The following CLIP1 variants were observed in gnomAD, a reference collection of about 807,000 sequenced individuals.
The protein encoded by CLIP1 is CAP-Gly domain-containing linker protein 1.
A neutral mutation model predicts 161.6 loss-of-function variants in CLIP1; 66 were observed. The observed-to-expected ratio is 0.41, with a 90% CI of 0.33 to 0.50. The LOEUF is 0.50. Among genes scored for constraint, CLIP1 ranks in the 20% least tolerant of loss-of-function variants. The pLI, the probability that CLIP1 is intolerant of heterozygous loss-of-function variation, is 0.27. For missense variants in CLIP1, 1,376 were observed against 1,702.0 expected, an observed-to-expected ratio of 0.81 and a Z score of 3.37; for synonymous variants, 598 against 626.2, an observed-to-expected ratio of 0.96 and a Z score of 0.67.
chr12:122,391,059 A>G (rs7969429), intron 1 of CLIP1, among the ~76,000 whole-genome samples: 119,711 of 152,026 alleles, frequency 0.79, 47,426 homozygotes, highest in East Asian at 0.85. Context: ...AGGCCGGGAC[A>G]GGCAGATCAC....
At chr12:122,409,310 G>A (rs1220130421) in intron 1 of CLIP1, among the ~76,000 whole-genome samples, 1 of 150,552 alleles carries the variant, frequency 6.6e-6, no homozygotes, top group East Asian at 2.0e-4. Context: ...ATTTTTAGTA[G>A]AGACAGGGTT....
intron 17 of CLIP1, among the ~76,000 whole-genome samples, chr12:122,321,363 A>G (rs1951495413): frequency 6.6e-6 from 1 of 151,606 alleles, no homozygotes; most frequent in East Asian, 1.9e-4. Context: ...CTACTGCCTC[A>G]GCCTCCTGAG....
intron 1 of CLIP1, among the ~76,000 whole-genome samples, chr12:122,391,582 G>A (rs899439448): frequency 1.3e-5 from 2 of 152,108 alleles, no homozygotes; most frequent in East Asian, 1.9e-4. Flanking sequence ...GCGAGACTTC[G>A]TCTCAAAAAG....
At chr12:122,338,848 T>C (rs542755507) in intron 11 of CLIP1, among the ~76,000 whole-genome samples, 1 of 152,364 alleles carries the variant, frequency 6.6e-6, no homozygotes, top group South Asian at 2.1e-4. Flanking sequence ...TTTTGTGTTT[T>C]GATTAGTATT....
At chr12:122,411,627 A>G (rs2137169321) in intron 1 of CLIP1, among the ~76,000 whole-genome samples, 1 of 152,338 alleles carries the variant, frequency 6.6e-6, no homozygotes, top group East Asian at 1.9e-4. Flanking sequence ...ACACTATGTT[A>G]AGCGAAGGAA....
In CLIP1 at chr12:122,330,597, G is replaced by GTTTTTTTTTTTTTGTTTTTTTTTTT. The variant is rs1555265518; in HGVS notation, c.2868-2172_2868-2171insAAAAAAAAAAACAAAAAAAAAAAAA. Among the ~76,000 whole-genome samples the GTTTTTTTTTTTTTGTTTTTTTTTTT allele has an allele frequency of 2.8e-4, 28 of 101,380 alleles. 1 individual carries two copies. Among genetic ancestry groups the GTTTTTTTTTTTTTGTTTTTTTTTTT allele is most frequent in the African/African-American group, 1.1e-3 (25 of 22,778 alleles). The allele number at this position is 101,380 out of a possible 152,430, so 66.5% of individuals were successfully genotyped here. ...TTCAGCACTGAAGAAGTATAATGCA[G>GTTTTTTTTTTTTTGTTTTTTTTTTT]TTTTTTTTTTTTTTTTTTTTGAGAT... On this transcript the variant is annotated intron_variant, in intron 15 of 25. Coordinates refer to ENST00000620786, the MANE Select transcript of CLIP1 (RefSeq NM_001247997.2).
intron 19 of CLIP1, among the ~76,000 whole-genome samples, chr12:122,310,700 T>A (rs2136516985): frequency 6.6e-6 from 1 of 152,352 alleles, no homozygotes; most frequent in Admixed American, 6.5e-5. Context: ...TTTTATGCTA[T>A]AGAGGGTTTT....
rs977776140 is a variant in CLIP1, at chr12:122,332,312, C to T, written c.2867+675G>A. The stretch of plus-strand genomic sequence containing the variant: ...CTCCGTCTCAAAAAAAAAAAAAAAG[C>T]GTATATGTATATATACATCTATATA... On this transcript the variant is annotated intron_variant, in intron 15 of 25. Coordinates refer to ENST00000620786, the MANE Select transcript of CLIP1 (RefSeq NM_001247997.2). Among the ~76,000 whole-genome samples, 18 of 150,164 alleles carry T rather than the reference C, an allele frequency of 1.2e-4. 1 individual carries two copies. Among genetic ancestry groups the T allele is most frequent in the East Asian group, 1.9e-4 (1 of 5,158 alleles).
chr12:122,282,613 C>A (rs966979624), intron 21 of CLIP1, among the ~76,000 whole-genome samples: 18 of 152,040 alleles, frequency 1.2e-4, no homozygotes, highest in African/African-American at 4.1e-4. Flanking sequence ...TAAATTTGCA[C>A]TGAAGTTCTT....
intron 7 of CLIP1, among the ~76,000 whole-genome samples, chr12:122,353,478 G>C (rs746419647): frequency 1.3e-5 from 2 of 152,160 alleles, no homozygotes; most frequent in African/African-American, 2.4e-5. Context: ...AGCCAGGCAT[G>C]TTGGCATGTG....
intron 11 of CLIP1, 49 bp from the exon 12 acceptor site, chr12:122,336,797 C>A: frequency 5.1e-6 from 4 of 790,598 alleles, no homozygotes; most frequent in Non-Finnish European, 7.8e-6. Context: ...AAAAGGAAAA[C>A]AAAAGAGAAT....
intron 20 of CLIP1, among the ~76,000 whole-genome samples, chr12:122,298,973 A>T (rs1414374354): frequency 6.6e-6 from 1 of 152,134 alleles, no homozygotes; most frequent in South Asian, 2.1e-4. Flanking sequence ...AAGAAGAATG[A>T]TATCAATGGT....
At chr12:122,331,908 T>C (rs980733381) in intron 15 of CLIP1, among the ~76,000 whole-genome samples, 1 of 151,912 alleles carries the variant, frequency 6.6e-6, no homozygotes, top group Non-Finnish European at 1.5e-5. Flanking sequence ...GGCAGGAGAA[T>C]CGCTTGAACC....
chr12:122,366,858 T>A (rs1355165178), intron 3 of CLIP1, among the ~76,000 whole-genome samples: 1 of 152,146 alleles, frequency 6.6e-6, no homozygotes, highest in Non-Finnish European at 1.5e-5. Flanking sequence ...AGAGTACTAG[T>A]TCTAGACTTG....
rs370096727 is a variant in CLIP1 at position 122,311,713 on chromosome 12, G to A, written c.3474-1831C>T. 8.5e-4 allele frequency among the ~76,000 whole-genome samples: 130 copies of A among 152,206 alleles called. No individual in the cohort carries two copies. The highest frequency in any genetic ancestry group is 2.9e-3 in the African/African-American group (122 of 41,528). On this transcript the variant is annotated intron_variant, in intron 19 of 25. Transcript: ENST00000620786. This position sits in a 1 kb window ranked among gnomAD's most constrained non-coding sequence, Gnocchi z 4.3. ...GCTGGGATTACAGGCATGAGCCACC[G>A]CGCCCGGCCAAAATTATTGTTTTAA...
chr12:122,413,579 T>A (rs750448952), intron 1 of CLIP1, among the ~76,000 whole-genome samples: 8 of 152,152 alleles, frequency 5.3e-5, no homozygotes, highest in Non-Finnish European at 8.8e-5. Context: ...TCGGAAGTAT[T>A]TTAGAGCTTA....
intron 1 of CLIP1, among the ~76,000 whole-genome samples, chr12:122,389,260 G>A (rs975573430): frequency 3.3e-5 from 5 of 152,150 alleles, no homozygotes; most frequent in Non-Finnish European, 7.3e-5. Context: ...AATCTCTCAA[G>A]GGAAGAAACT....
At chr12:122,384,105 G>A (rs1955130464) in intron 1 of CLIP1, among the ~76,000 whole-genome samples, 1 of 152,142 alleles carries the variant, frequency 6.6e-6, no homozygotes, top group Non-Finnish European at 1.5e-5. Flanking sequence ...AAGAAATGCT[G>A]CAGAAATTAA....
chr12:122,336,813 G>A, intron 11 of CLIP1, 65 bp from the exon 12 acceptor site: 2 of 663,000 alleles, frequency 3.0e-6, no homozygotes, highest in Non-Finnish European at 4.8e-6. Context: ...AGAATGAGAA[G>A]AAAAAAATAA....
Sources: allele counts gnomAD v4.1 joint callset (sites outside exome capture counted in the v4.1 genomes callset), GRCh38; gene constraint gnomAD v4.1.1; non-coding constraint Gnocchi (gnomAD v3.1); transcripts MANE v1.5; gene names NCBI Gene and HGNC (gene_info 2026-07-23, HGNC 2026-07-21).